Variants in UBE2N observed in about 807,000 individuals in gnomAD.
The protein encoded by UBE2N is ubiquitin-conjugating enzyme E2 N.
For missense variants in UBE2N, 60 were observed against 192.1 expected, an observed-to-expected ratio of 0.31 and a Z score of 4.07; for synonymous variants, 70 against 69.2, an observed-to-expected ratio of 1.01 and a Z score of -0.06.
At chr12:93,417,223 A>T (rs1415647299) in intron 1 of UBE2N, among the ~76,000 whole-genome samples, 1 of 152,208 alleles carries the variant, frequency 6.6e-6, no homozygotes, top group African/African-American at 2.4e-5. Flanking sequence ...AAGGAATCAA[A>T]TATCACATCA....
At chr12:93,435,276 C>A (rs1213786725) in intron 1 of UBE2N, among the ~76,000 whole-genome samples, 1 of 152,044 alleles carries the variant, frequency 6.6e-6, no homozygotes, top group Admixed American at 6.6e-5. Context: ...AGTTCGAGAC[C>A]AGCCTGACCA....
intron 1 of UBE2N, among the ~76,000 whole-genome samples, chr12:93,414,318 G>A (rs567659536): frequency 7.6e-5 from 11 of 145,648 alleles, no homozygotes; most frequent in East Asian, 4.1e-4. Context: ...GCATGGTGGC[G>A]CATGCCTGTA....
At chr12:93,427,614 T>C (rs955495414) in intron 1 of UBE2N, among the ~76,000 whole-genome samples, 5 of 152,206 alleles carry the variant, frequency 3.3e-5, no homozygotes, top group African/African-American at 1.2e-4. Flanking sequence ...TGACTGCTAA[T>C]GAGCACAGGG....
intron 1 of UBE2N, chr12:93,429,267 CT>C: frequency 2.6e-6 from 1 of 391,908 alleles, no homozygotes; most frequent in South Asian, 1.9e-5. Flanking sequence ...GAGACTCTGT[CT>C]CAAAAAAAAA....
In UBE2N at chr12:93,430,177, C is replaced by T. The variant is rs753834207; in HGVS notation, c.30+11678G>A. 7.9e-5 allele frequency among the ~76,000 whole-genome samples: 12 copies of T among 152,158 alleles called. 1 individual carries two copies. Among genetic ancestry groups the T allele is most frequent in the Non-Finnish European group, 1.2e-4 (8 of 68,034 alleles). On this transcript the variant is annotated intron_variant, in intron 1 of 3. Coordinates refer to ENST00000318066, the MANE Select transcript of UBE2N (RefSeq NM_003348.4). ...TGTACCTTTCCTATTTTGATACACA[C>T]ATACTTACCACTGCATTACAACTGC...
At chr12:93,412,059 TAAG>T (rs1269994664) in intron 1 of UBE2N, among the ~76,000 whole-genome samples, 1 of 152,044 alleles carries the variant, frequency 6.6e-6, no homozygotes, top group East Asian at 1.9e-4. Flanking sequence ...AGAAAGGAGA[TAAG>T]AAGAGGCCCA....
chr12:93,433,126 G>C (rs1364391725), intron 1 of UBE2N, among the ~76,000 whole-genome samples: 1 of 151,826 alleles, frequency 6.6e-6, no homozygotes, highest in Non-Finnish European at 1.5e-5. Flanking sequence ...GTAGAGACGG[G>C]GTTTCACCAT....
intron 1 of UBE2N, among the ~76,000 whole-genome samples, chr12:93,417,812 AC>A (rs1434537383): frequency 4.6e-5 from 7 of 152,202 alleles, no homozygotes; most frequent in Non-Finnish European, 7.3e-5. Context: ...AGGGTTCTGG[AC>A]AAAGTTGTGT....
At chr12:93,421,023 T>C (rs1466117049) in intron 1 of UBE2N, among the ~76,000 whole-genome samples, 1 of 152,102 alleles carries the variant, frequency 6.6e-6, no homozygotes, top group Non-Finnish European at 1.5e-5. Context: ...CTATGCCAAA[T>C]ACTGACTTAA....
intron 1 of UBE2N, among the ~76,000 whole-genome samples, chr12:93,436,885 A>G (rs971552394): frequency 6.6e-6 from 1 of 152,236 alleles, no homozygotes; most frequent in Non-Finnish European, 1.5e-5. Context: ...GCAAAATGCC[A>G]TACATACAAA....
chr12:93,432,350 TA>T (rs63541161), intron 1 of UBE2N, among the ~76,000 whole-genome samples: 8,931 of 151,918 alleles, frequency 0.059, 306 homozygotes, highest in South Asian at 0.13. Context: ...GAATGGATAA[TA>T]AAGAGACACG....
intron 1 of UBE2N, among the ~76,000 whole-genome samples, chr12:93,431,961 C>T (rs1432811711): frequency 6.6e-6 from 1 of 152,150 alleles, no homozygotes; most frequent in African/African-American, 2.4e-5. Context: ...CGGCTGGGCG[C>T]GGTGGCTCCT....
At chr12:93,427,639 G>A (rs183229572) in intron 1 of UBE2N, among the ~76,000 whole-genome samples, 1 of 152,262 alleles carries the variant, frequency 6.6e-6, no homozygotes, top group East Asian at 1.9e-4. Flanking sequence ...TCTTTTTGGG[G>A]TGACAAAAAT....
intron 1 of UBE2N, among the ~76,000 whole-genome samples, chr12:93,412,428 A>G (rs1342016187): frequency 3.3e-5 from 5 of 152,240 alleles, no homozygotes; most frequent in African/African-American, 1.2e-4. Flanking sequence ...GCTAGGGCCA[A>G]TCGGTCTTGA....
chr12:93,439,499 A>T (rs1879038433), intron 1 of UBE2N, among the ~76,000 whole-genome samples: 1 of 152,186 alleles, frequency 6.6e-6, no homozygotes, highest in Non-Finnish European at 1.5e-5. Flanking sequence ...CAGAAAGAAA[A>T]GAAGAAAGTC....
At chr12:93,441,244 G>C (rs995179791) in intron 1 of UBE2N, 1 of 152,286 alleles carries the variant, frequency 6.6e-6, no homozygotes, top group African/African-American at 2.4e-5. Flanking sequence ...CCACGTCCCG[G>C]GACCCAGGCA....
rs1467579007 is a variant in UBE2N at position 93,409,171 on chromosome 12, A to G, written c.*868T>C. On this transcript the variant is annotated 3_prime_UTR_variant, in exon 4 of 4. Coordinates refer to ENST00000318066, the MANE Select transcript of UBE2N (RefSeq NM_003348.4). The stretch of plus-strand genomic sequence containing the variant: ...CTCAGGGCCAGTTTATAAATACTCC[A>G]TTCAGTACTATCTTAACACAAATCT... 3 of 152,590 alleles carry G rather than the reference A, an allele frequency of 2.0e-5. No individual in the cohort carries two copies. The highest frequency in any genetic ancestry group is 7.2e-5 in the African/African-American group (3 of 41,452). The allele number at this position is 152,590 out of a possible 1,614,324, so 9.5% of individuals were successfully genotyped here.
chr12:93,437,469 T>C (rs1217956312), intron 1 of UBE2N, among the ~76,000 whole-genome samples: 1 of 152,098 alleles, frequency 6.6e-6, no homozygotes, highest in Non-Finnish European at 1.5e-5. Context: ...TAGCAGAAAG[T>C]TGCTCTGGTC....
At chr12:93,436,236 A>T (rs747666653) in intron 1 of UBE2N, among the ~76,000 whole-genome samples, 6 of 152,130 alleles carry the variant, frequency 3.9e-5, no homozygotes, top group Non-Finnish European at 7.4e-5. Flanking sequence ...AGTAGCTGGG[A>T]CTACAGATGT....
Sources: gnomAD v4.1 joint callset for allele counts (sites outside exome capture counted in the v4.1 genomes callset) on GRCh38, gnomAD v4.1.1 for gene constraint, MANE v1.5 for transcripts, NCBI Gene and HGNC (gene_info 2026-07-23, HGNC 2026-07-21) for gene names.